CPED1: variants seen among roughly 807,000 people sequenced by gnomAD.
The protein encoded by CPED1 is cadherin like and PC-esterase domain containing 1.
In CPED1, 114 loss-of-function variants were observed where a neutral mutation model predicts 128.2. The observed-to-expected ratio is 0.89, with a 90% CI of 0.76 to 1.04. The LOEUF (loss-of-function observed/expected upper bound fraction) is 1.04, where lower values mean the gene tolerates loss of function less well. CPED1 is among the 50% of genes least tolerant of loss of function. The probability of loss-of-function intolerance (pLI) is 0.00; values close to 1 mark genes in which losing one functional copy is unlikely to be tolerated. For missense variants in CPED1, 1,211 were observed against 1,207.1 expected, an observed-to-expected ratio of 1.00 and a Z score of -0.05; for synonymous variants, 462 against 426.7, an observed-to-expected ratio of 1.08 and a Z score of -1.02.
In CPED1 at chr7:121,127,119, T is replaced by C. The variant is rs767333670; in HGVS notation, c.1164T>C (p.Tyr388=). Reference sequence around the variant, plus strand: ...ACGAGCATTTAAATTTTCAAGATTATGATAATATGGATTTTGAGGACCAAA... The same window carrying C: ...ACGAGCATTTAAATTTTCAAGATTACGATAATATGGATTTTGAGGACCAAA... ...QVHEHLNFQD[Y]DNMDFEDQNT... The change falls in exon 10 of 23, where the codon TAT becomes TAC. Residue 388 remains tyrosine, a synonymous_variant. Coordinates refer to ENST00000310396, the MANE Select transcript of CPED1 (RefSeq NM_024913.5). The C allele has an allele frequency of 6.9e-5, 110 of 1,598,978 alleles. No individual in the cohort carries two copies. Among genetic ancestry groups the C allele is most frequent in the Non-Finnish European group, 9.0e-5 (106 of 1,173,768 alleles).
In CPED1 at chr7:121,266,276, T is replaced by C. The variant is rs757171458; in HGVS notation, c.2360T>C (p.Ile787Thr). The C allele has an allele frequency of 1.9e-6, 3 of 1,613,152 alleles. No individual in the cohort carries two copies. Among genetic ancestry groups the C allele is most frequent in the Admixed American group, 1.7e-5 (1 of 59,918 alleles). Reference protein sequence around the residue: ...STNRGIMYYLIERLNETLQEW... With the variant: ...STNRGIMYYLTERLNETLQEW... ...AACAGAGGGATCATGTACTATCTTA[T>C]TGAAAGGCTGAATGAAACGTTGCAG... The change falls in exon 19 of 23, where the codon ATT becomes ACT. Residue 787 changes from isoleucine to threonine, a missense_variant. By Grantham distance (89) the Ile-to-Thr change is moderately conservative. Transcript: ENST00000310396.
At chr7:121,137,739 G>T (rs1795815725) in intron 14 of CPED1, among the ~76,000 whole-genome samples, 1 of 151,952 alleles carries the variant, frequency 6.6e-6, no homozygotes, top group African/African-American at 2.4e-5. Context: ...CCTACCCCCA[G>T]AAAAATACAT....
chr7:121,047,698 T>TCCTCCTCCTCCTCC (rs1793243819), intron 4 of CPED1, among the ~76,000 whole-genome samples: 1 of 35,654 alleles, frequency 2.8e-5, no homozygotes, highest in African/African-American at 9.3e-5. Flanking sequence ...CTTCTTCTTC[T>TCCTCCTCCTCCTCC]TCTTCTTCTT....
intron 3 of CPED1, among the ~76,000 whole-genome samples, chr7:121,039,585 C>G (rs545775826): frequency 1.3e-5 from 2 of 151,956 alleles, no homozygotes; most frequent in South Asian, 4.1e-4. Context: ...TTAGAAATTT[C>G]GTAAAATGCA....
intron 16 of CPED1, among the ~76,000 whole-genome samples, chr7:121,167,194 CCT>C (rs1796549745): frequency 1.3e-5 from 2 of 152,134 alleles, no homozygotes; most frequent in Non-Finnish European, 2.9e-5. Context: ...GCCCATTAAA[CCT>C]TGTGACCTAT....
chr7:120,993,467 C>A lies in CPED1; in HGVS notation c.249+3597C>A, dbSNP rs560348548. The stretch of plus-strand genomic sequence containing the variant: ...TGACCCTCCCTTCTCTTTAAATGAC[C>A]ATTCTATATGACATCTACTTTCTCA... On this transcript the variant is annotated intron_variant, in intron 2 of 22. Coordinates refer to ENST00000310396, the MANE Select transcript of CPED1 (RefSeq NM_024913.5). Among the ~76,000 whole-genome samples, 8 of 152,274 alleles carry A rather than the reference C, an allele frequency of 5.3e-5. No individual in the cohort carries two copies. The South Asian group carries it at 1.7e-3, about 32-fold the overall frequency.
At chr7:121,103,069 T>C (rs1257750010) in intron 7 of CPED1, among the ~76,000 whole-genome samples, 2 of 152,170 alleles carry the variant, frequency 1.3e-5, no homozygotes, top group East Asian at 1.9e-4. Context: ...ATTTTTATGA[T>C]AGTTTTTATT....
intron 16 of CPED1, among the ~76,000 whole-genome samples, chr7:121,159,479 A>T (rs1352906797): frequency 6.6e-6 from 1 of 152,194 alleles, no homozygotes; most frequent in Non-Finnish European, 1.5e-5. Flanking sequence ...TGCCGGGTAC[A>T]TGGATTCATT....
chr7:121,247,494 A>G (rs1798564984), intron 18 of CPED1, among the ~76,000 whole-genome samples: 1 of 152,204 alleles, frequency 6.6e-6, no homozygotes, highest in Non-Finnish European at 1.5e-5. Flanking sequence ...AGAAAACGCC[A>G]AAAGCAGATG....
chr7:121,114,331 G>A (rs549100573), intron 7 of CPED1, among the ~76,000 whole-genome samples: 1 of 152,232 alleles, frequency 6.6e-6, no homozygotes, highest in South Asian at 2.1e-4. Flanking sequence ...CCCCCATAAA[G>A]CTTATTGACT....
chr7:121,194,020 C>CTATATA (rs1412904591), intron 16 of CPED1, among the ~76,000 whole-genome samples: 2 of 79,066 alleles, frequency 2.5e-5, no homozygotes, highest in Non-Finnish European at 4.8e-5. Context: ...CTCTCTCTCT[C>CTATATA]TCTATATATA....
intron 16 of CPED1, among the ~76,000 whole-genome samples, chr7:121,161,560 C>T (rs1346076022): frequency 6.6e-6 from 1 of 152,174 alleles, no homozygotes; most frequent in African/African-American, 2.4e-5. Context: ...AAATCTCTCC[C>T]AGCAACACCT....
intron 7 of CPED1, among the ~76,000 whole-genome samples, chr7:121,112,446 A>G (rs751108713): frequency 6.7e-6 from 1 of 148,410 alleles, no homozygotes; most frequent in Non-Finnish European, 1.5e-5. Flanking sequence ...GAAGACAGAC[A>G]GTAGAGTTTT....
rs774679211 is a variant in CPED1, at chr7:121,124,393, G to C, written c.981G>C (p.Met327Ile). The C allele has an allele frequency of 4.4e-6, 7 of 1,608,420 alleles. No homozygotes were observed. In the South Asian group the frequency reaches 7.7e-5, roughly 18 times the overall value. The change falls in exon 8 of 23, where the codon ATG becomes ATC. Residue 327 changes from methionine to isoleucine, a missense_variant. Physicochemically the swap from Met to Ile is conservative, Grantham distance 10 (BLOSUM62 1). Transcript: ENST00000310396. ...CACCTCAACAGGCTTTTGACATTAT[G>C]AAGGAAGCAATTGGCAAACTACTGC... is the stretch of plus-strand genomic sequence containing the variant. The part of the protein sequence containing the change: ...ASSPQQAFDI[M>I]KEAIGKLLLA...
At chr7:121,081,046 A>G (rs1794280301) in intron 5 of CPED1, among the ~76,000 whole-genome samples, 1 of 152,182 alleles carries the variant, frequency 6.6e-6, no homozygotes, top group Non-Finnish European at 1.5e-5. Context: ...CATAAATTGT[A>G]TGGTATATAA....
chr7:121,213,240 G>T (rs935149280), intron 16 of CPED1, among the ~76,000 whole-genome samples: 1 of 151,880 alleles, frequency 6.6e-6, no homozygotes, highest in African/African-American at 2.4e-5. Context: ...TAAACCCATG[G>T]TTCAAACCCT....
chr7:121,103,667 A>G (rs986697033), intron 7 of CPED1, among the ~76,000 whole-genome samples: 1 of 151,924 alleles, frequency 6.6e-6, no homozygotes, highest in African/African-American at 2.4e-5. Context: ...CACAAAACAT[A>G]ATTTTGTGTG....
intron 16 of CPED1, 49 bp downstream of exon 16, chr7:121,142,190 T>A: frequency 6.9e-7 from 1 of 1,444,434 alleles, no homozygotes; most frequent in Non-Finnish European, 9.4e-7. Context: ...AATGATCTGT[T>A]AACCCAGGCG....
chr7:121,057,531 T>C (rs1793533367), intron 4 of CPED1, among the ~76,000 whole-genome samples: 1 of 152,214 alleles, frequency 6.6e-6, no homozygotes, highest in Admixed American at 6.5e-5. Context: ...ACATGCAGTA[T>C]TTGATTTTCT....
Sources: allele counts gnomAD v4.1 joint callset (sites outside exome capture counted in the v4.1 genomes callset), GRCh38; gene constraint gnomAD v4.1.1; transcripts MANE v1.5; gene names NCBI Gene and HGNC (gene_info 2026-07-23, HGNC 2026-07-21).